Variants in GNA12 observed in about 807,000 individuals in gnomAD.
The protein encoded by GNA12 is G protein subunit alpha 12, also known as guanine nucleotide-binding protein subunit alpha-12.
In GNA12, 9 loss-of-function variants were observed where a neutral mutation model predicts 26.0. The ratio of observed to expected loss-of-function variants is 0.35; its 90% CI spans 0.21 to 0.60. The LOEUF is 0.60. Among genes scored for constraint, GNA12 ranks in the 20% least tolerant of loss-of-function variants. The pLI is 0.78. For synonymous variants in GNA12, 264 were observed against 219.6 expected, an observed-to-expected ratio of 1.20 and a Z score of -1.79; for missense variants, 405 against 525.8, an observed-to-expected ratio of 0.77 and a Z score of 2.25.
chr7:2,758,834 T>C (rs1372252639), intron 2 of GNA12, among the ~76,000 whole-genome samples: 1 of 152,168 alleles, frequency 6.6e-6, no homozygotes, highest in Non-Finnish European at 1.5e-5. Context: ...GAGAGGGTTA[T>C]CACCGCATGT....
At chr7:2,763,676 G>C (rs887934913) in intron 2 of GNA12, among the ~76,000 whole-genome samples, 1 of 152,246 alleles carries the variant, frequency 6.6e-6, no homozygotes, top group Non-Finnish European at 1.5e-5. Flanking sequence ...GAAGATCCCT[G>C]GTAAGAATGA....
At chr7:2,783,631 T>C (rs1792284372) in intron 2 of GNA12, among the ~76,000 whole-genome samples, 1 of 150,012 alleles carries the variant, frequency 6.7e-6, no homozygotes. Context: ...ATCCTGTCAG[T>C]GCTTAGAGGC....
At chr7:2,737,710 C>T (rs762635296) in intron 2 of GNA12, among the ~76,000 whole-genome samples, 3 of 152,224 alleles carry the variant, frequency 2.0e-5, no homozygotes, top group African/African-American at 7.2e-5. Context: ...ATCTAGTTCA[C>T]TCACTTCAAC....
chr7:2,774,687 T>A (rs184413678), intron 2 of GNA12, among the ~76,000 whole-genome samples: 1 of 152,246 alleles, frequency 6.6e-6, no homozygotes, highest in Non-Finnish European at 1.5e-5. Context: ...TGAATCTTCA[T>A]TCCTTTTGCA....
intron 3 of GNA12, among the ~76,000 whole-genome samples, chr7:2,732,454 G>C (rs1292171196): frequency 2.3e-4 from 35 of 152,186 alleles, no homozygotes; most frequent in Admixed American, 2.3e-3. Context: ...GCCGAGACAG[G>C]AGGATCATTT....
intron 1 of GNA12, among the ~76,000 whole-genome samples, chr7:2,821,692 A>C (rs1332996677): frequency 6.6e-6 from 1 of 152,200 alleles, no homozygotes; most frequent in South Asian, 2.1e-4. Context: ...AGTGATGAAC[A>C]ATGCTAGGTA....
rs573824198 is a variant in GNA12 at position 2,839,441 on chromosome 7, T to C, written c.309+4412A>G. 1.3e-3 allele frequency among the ~76,000 whole-genome samples: 191 copies of C among 152,272 alleles called. 1 individual carries two copies. The highest frequency in any genetic ancestry group is 3.8e-3 in the African/African-American group (159 of 41,570). ...CTCTGTCGCCCAGGCTGGAGTACAG[T>C]GGCGTGCTCTCTGTGCACTGCAACC... On this transcript the variant is annotated intron_variant, in intron 1 of 3. Transcript: ENST00000275364.
intron 1 of GNA12, among the ~76,000 whole-genome samples, chr7:2,832,713 T>G (rs560099202): frequency 4.6e-5 from 7 of 152,258 alleles, no homozygotes; most frequent in Admixed American, 2.0e-4. Flanking sequence ...GACTAGACAG[T>G]AAAATAGATG....
chr7:2,842,442 G>A (rs1779024247), intron 1 of GNA12, among the ~76,000 whole-genome samples: 2 of 152,170 alleles, frequency 1.3e-5, no homozygotes, highest in African/African-American at 4.8e-5. Context: ...GGGACTACAG[G>A]TGCATTCCAC....
intron 1 of GNA12, among the ~76,000 whole-genome samples, chr7:2,825,271 C>G (rs541182213): frequency 1.3e-5 from 2 of 152,256 alleles, no homozygotes; most frequent in Non-Finnish European, 2.9e-5. Context: ...TCCCCTCCCT[C>G]CCTCCGAGCT....
chr7:2,767,946 C>G (rs1199980439), intron 2 of GNA12, among the ~76,000 whole-genome samples: 1 of 152,222 alleles, frequency 6.6e-6, no homozygotes, highest in Non-Finnish European at 1.5e-5. Flanking sequence ...CCTCCGCCTC[C>G]TGGGTTCAAG....
intron 2 of GNA12, among the ~76,000 whole-genome samples, chr7:2,781,048 G>A (rs916867429): frequency 6.6e-6 from 1 of 152,170 alleles, no homozygotes; most frequent in Admixed American, 6.5e-5. Context: ...TTGCAAATCT[G>A]TGAGTATATC....
At chr7:2,744,616 C>T (rs1335632952) in intron 2 of GNA12, among the ~76,000 whole-genome samples, 2 of 152,200 alleles carry the variant, frequency 1.3e-5, no homozygotes, top group Non-Finnish European at 2.9e-5. Context: ...GAGCACCTCT[C>T]CTCCTCCAAA....
intron 2 of GNA12, chr7:2,762,389 C>T (rs1791602646): frequency 2.2e-6 from 1 of 448,670 alleles, no homozygotes; most frequent in African/African-American, 2.0e-5. Flanking sequence ...TTCCCACTTT[C>T]CTCACTGAGG....
chr7:2,842,001 T>TAGGGAGGGAGGGAGAAAGGA (rs1779001869), intron 1 of GNA12, among the ~76,000 whole-genome samples: 1 of 95,904 alleles, frequency 1.0e-5, no homozygotes, highest in Non-Finnish European at 2.3e-5. Context: ...GGTAGAGAGG[T>TAGGGAGGGAGGGAGAAAGGA]AGGGAGGGAG....
At chr7:2,781,410 GTC>G (rs1277559684) in intron 2 of GNA12, among the ~76,000 whole-genome samples, 1 of 115,800 alleles carries the variant, frequency 8.6e-6, no homozygotes, top group African/African-American at 3.5e-5. Flanking sequence ...CAAAGTAAGT[GTC>G]TGTGTGTGTG....
At chr7:2,741,626 G>A (rs1163654981) in intron 2 of GNA12, among the ~76,000 whole-genome samples, 2 of 152,042 alleles carry the variant, frequency 1.3e-5, no homozygotes, top group East Asian at 3.9e-4. Flanking sequence ...AGCTCATACA[G>A]TCTTTCTCTA....
chr7:2,816,553 A>G (rs954178821), intron 1 of GNA12, among the ~76,000 whole-genome samples: 10 of 152,238 alleles, frequency 6.6e-5, no homozygotes, highest in Non-Finnish European at 1.3e-4. Context: ...TTTTTAAATG[A>G]TATATTCAAA....
chr7:2,770,811 C>T (rs539923344), intron 2 of GNA12, among the ~76,000 whole-genome samples: 122 of 152,212 alleles, frequency 8.0e-4, no homozygotes, highest in African/African-American at 2.8e-3. Flanking sequence ...TTACTGAAAC[C>T]GAATGCCCCT....
Sources: gnomAD v4.1 joint callset for allele counts (sites outside exome capture counted in the v4.1 genomes callset) on GRCh38, gnomAD v4.1.1 for gene constraint, MANE v1.5 for transcripts, NCBI Gene and HGNC (gene_info 2026-07-23, HGNC 2026-07-21) for gene names.